Variants in OR7E24 observed in about 807,000 individuals in gnomAD.
OR7E24 encodes the protein olfactory receptor 7E24.
For missense variants in OR7E24, 385 were observed against 410.3 expected (o/e 0.94, Z 0.53); for synonymous variants, 130 against 157.5 (o/e 0.83, Z 1.31).
the OR7E24 span, among the ~76,000 whole-genome samples, chr19:9,228,310 C>T: frequency 2.6e-5 from 4 of 152,106 alleles, no homozygotes; most frequent in East Asian, 1.9e-4. Context: ...TTACATCCTG[C>T]CAATTTTGTA....
chr19:9,250,311 T>G (rs2066141747), upstream of OR7E24, among the ~76,000 whole-genome samples: 1 of 152,142 alleles, frequency 6.6e-6, no homozygotes, highest in Non-Finnish European at 1.5e-5. Context: ...TCCAGGCCGG[T>G]CTTAAACTCA....
the OR7E24 span, among the ~76,000 whole-genome samples, chr19:9,238,611 A>G: frequency 6.6e-6 from 1 of 152,302 alleles, no homozygotes; most frequent in East Asian, 1.9e-4. Flanking sequence ...CATAAAGTGT[A>G]AATAGATCTC....
the OR7E24 span, among the ~76,000 whole-genome samples, chr19:9,229,898 G>GT: frequency 3.9e-5 from 6 of 152,290 alleles, no homozygotes; most frequent in Middle Eastern, 3.4e-3. Context: ...CCATGGAGAA[G>GT]AGAAAGCATC....
the OR7E24 span, among the ~76,000 whole-genome samples, chr19:9,228,439 C>T: frequency 2.6e-5 from 4 of 151,922 alleles, no homozygotes; most frequent in Non-Finnish European, 5.9e-5. Flanking sequence ...TACTCCATGC[C>T]CCCGTTAGGC....
the OR7E24 span, among the ~76,000 whole-genome samples, chr19:9,228,449 C>T: frequency 6.6e-6 from 1 of 151,074 alleles, no homozygotes; most frequent in East Asian, 1.9e-4. Flanking sequence ...CCCCGTTAGG[C>T]TACACTTTCT....
chr19:9,230,564 C>T, the OR7E24 span, among the ~76,000 whole-genome samples: 5 of 152,264 alleles, frequency 3.3e-5, no homozygotes, highest in African/African-American at 1.2e-4. Context: ...AATCCAATCA[C>T]CTCTTCCTGA....
upstream of OR7E24, among the ~76,000 whole-genome samples, chr19:9,244,727 T>C (rs1308081979): frequency 6.6e-6 from 1 of 152,210 alleles, no homozygotes; most frequent in Non-Finnish European, 1.5e-5. Context: ...AATATATAGA[T>C]AACTTGGACT....
the OR7E24 span, among the ~76,000 whole-genome samples, chr19:9,227,235 C>A: frequency 2.2e-5 from 3 of 137,172 alleles, no homozygotes; most frequent in Non-Finnish European, 4.5e-5. Flanking sequence ...CTCATTCTTT[C>A]TCTTTTTTTT....
upstream of OR7E24, among the ~76,000 whole-genome samples, chr19:9,248,709 C>A (rs2066137264): frequency 6.6e-6 from 1 of 152,236 alleles, no homozygotes; most frequent in Non-Finnish European, 1.5e-5. Context: ...GCTTTCCTTG[C>A]AGCTCTCTAC....
At chr19:9,230,474 C>T in the OR7E24 span, among the ~76,000 whole-genome samples, 1 of 152,154 alleles carries the variant, frequency 6.6e-6, no homozygotes, top group African/African-American at 2.4e-5. Context: ...AATGTCCATA[C>T]TTGAATGTAT....
chr19:9,221,842 C>G, the OR7E24 span, among the ~76,000 whole-genome samples: 1 of 152,068 alleles, frequency 6.6e-6, no homozygotes, highest in Non-Finnish European at 1.5e-5. Flanking sequence ...TTCCATTTGT[C>G]TATTGCTTTT....
At chr19:9,226,367 G>A in the OR7E24 span, among the ~76,000 whole-genome samples, 2 of 152,144 alleles carry the variant, frequency 1.3e-5, no homozygotes, top group Admixed American at 1.3e-4. Flanking sequence ...CCTACTGCTG[G>A]GTCCGGTTTC....
upstream of OR7E24, among the ~76,000 whole-genome samples, chr19:9,250,715 T>C (rs1032757372): frequency 1.3e-5 from 2 of 152,232 alleles, no homozygotes; most frequent in Non-Finnish European, 2.9e-5. Flanking sequence ...TTAGTATCCT[T>C]TCAATGGATT....
At chr19:9,248,779 A>C (rs1174781237), upstream of OR7E24, among the ~76,000 whole-genome samples, 1 of 152,210 alleles carries the variant, frequency 6.6e-6, no homozygotes, top group Non-Finnish European at 1.5e-5. Context: ...GGAAACCGGA[A>C]ATAGTTTCAA....
At chr19:9,224,818 A>G in the OR7E24 span, among the ~76,000 whole-genome samples, 3 of 152,066 alleles carry the variant, frequency 2.0e-5, no homozygotes, top group African/African-American at 7.2e-5. Flanking sequence ...AATTTTGTTC[A>G]CCAATGACCT....
At chr19:9,236,957 T>G in the OR7E24 span, among the ~76,000 whole-genome samples, 1 of 152,208 alleles carries the variant, frequency 6.6e-6, no homozygotes, top group East Asian at 1.9e-4. Context: ...TGAGTTATTT[T>G]CTCTCATTCA....
chr19:9,235,428 G>T, the OR7E24 span: 1 of 1,605,610 alleles, frequency 6.2e-7, no homozygotes, highest in East Asian at 2.2e-5. Context: ...TCTCCTACAT[G>T]GGGTGCCTCA....
chr19:9,243,226 G>A (rs1352970979), upstream of OR7E24, among the ~76,000 whole-genome samples: 6 of 151,952 alleles, frequency 3.9e-5, no homozygotes, highest in Non-Finnish European at 5.9e-5. Context: ...AGACCCTCCC[G>A]CCATCTCCAC....
At chr19:9,225,088 G>T in the OR7E24 span, among the ~76,000 whole-genome samples, 1 of 152,196 alleles carries the variant, frequency 6.6e-6, no homozygotes, top group Non-Finnish European at 1.5e-5. Context: ...TACAAGGAGA[G>T]GGGAGGTCGG....
Sources: gnomAD v4.1 joint callset for allele counts (sites outside exome capture counted in the v4.1 genomes callset) on GRCh38, gnomAD v4.1.1 for gene constraint, MANE v1.5 for transcripts, NCBI Gene and HGNC (gene_info 2026-07-23, HGNC 2026-07-21) for gene names.